The following DCAF1 variants were observed in gnomAD, a reference collection of about 807,000 sequenced individuals.
DCAF1 encodes the protein DDB1- and CUL4-associated factor 1.
Under a neutral mutation model 128.0 loss-of-function variants are expected in DCAF1, and 15 were observed. The ratio of observed to expected loss-of-function variants is 0.12; its 90% confidence interval spans 0.08 to 0.18. The LOEUF (loss-of-function observed/expected upper bound fraction) is 0.18. DCAF1 is among the 10% of genes least tolerant of loss of function. The pLI, the probability that DCAF1 is intolerant of heterozygous loss-of-function variation, is 1.00. For missense variants in DCAF1, 988 were observed against 1,649.5 expected (o/e 0.60, Z 6.95); for synonymous variants, 610 against 603.0 (o/e 1.01, Z -0.17).
chr3:51,461,109 T>G (rs1311504848), intron 6 of DCAF1, among the ~76,000 whole-genome samples: 1 of 151,300 alleles, frequency 6.6e-6, no homozygotes, highest in Non-Finnish European at 1.5e-5. Context: ...GAAACTACCA[T>G]CAGAGTGAAC....
intron 9 of DCAF1, among the ~76,000 whole-genome samples, chr3:51,434,944 G>T (rs1700684062): frequency 6.6e-6 from 1 of 152,060 alleles, no homozygotes; most frequent in South Asian, 2.1e-4. Context: ...CCATGCCAAG[G>T]TGTCTTCCAG....
At chr3:51,484,138 T>C (rs781815585) in intron 2 of DCAF1, among the ~76,000 whole-genome samples, 7 of 152,054 alleles carry the variant, frequency 4.6e-5, no homozygotes, top group Non-Finnish European at 7.4e-5. Flanking sequence ...AGGAGTCCCT[T>C]TGAAAATGAG....
chr3:51,432,967 T>C, intron 10 of DCAF1, 139 bp downstream of exon 10: 1 of 394,848 alleles, frequency 2.5e-6, no homozygotes. Context: ...GACTAGACTT[T>C]CATGTTCCTT....
rs1704664560 is a variant in DCAF1 at position 51,470,968 on chromosome 3, G to A, written c.148C>T (p.Arg50Cys). 1.9e-6 allele frequency: 3 copies of A among 1,606,588 alleles called. No individual in the cohort carries two copies. Among genetic ancestry groups the A allele is most frequent in the African/African-American group, 1.3e-5 (1 of 74,676 alleles). Residue 50 changes from arginine (R) to cysteine (C), a missense_variant, in exon 4 of 25, where the codon CGT (arginine) becomes TGT (cysteine). Transcript: ENST00000684031. Reference protein sequence around the residue: ...QLIEKETEEYRKGDPDPFDDR... With the variant: ...QLIEKETEEYCKGDPDPFDDR... ...TCAAATGGGTCTGGATCCCCTTTAC[G>A]ATACTCTTCAGTTTCTTTTTCAATC...
chr3:51,504,036 A>ATT (rs559346586), upstream of DCAF1, among the ~76,000 whole-genome samples: 40 of 130,240 alleles, frequency 3.1e-4, no homozygotes, highest in Middle Eastern at 4.0e-3. Context: ...GCCCCTGAAC[A>ATT]TTTTTTTTTT....
chr3:51,500,329 G>C (rs919473498), upstream of DCAF1, among the ~76,000 whole-genome samples: 1 of 151,996 alleles, frequency 6.6e-6, no homozygotes, highest in African/African-American at 2.4e-5. Flanking sequence ...GAAGTGAAAA[G>C]TGAGGGAGCC....
At chr3:51,464,264 A>ATAAT (rs10647838) in intron 5 of DCAF1, among the ~76,000 whole-genome samples, 133,642 of 150,432 alleles carry the variant, frequency 0.89, 59,526 homozygotes, top group East Asian at 0.94. Context: ...AATTATATAT[A>ATAAT]TAATACAATA....
chr3:51,500,116 G>GAAAA (rs55767863), upstream of DCAF1: 6 of 27,836 alleles, frequency 2.2e-4, 1 homozygote, highest in Admixed American at 9.9e-4. Flanking sequence ...CACGATCGGG[G>GAAAA]AAAAAAAAAA....
chr3:51,414,482 A>T (rs1350229238), intron 19 of DCAF1, 142 bp downstream of exon 19: 1 of 1,253,812 alleles, frequency 8.0e-7, no homozygotes, highest in East Asian at 2.6e-5. Flanking sequence ...AGATTTCACT[A>T]ACATTTCAAA....
chr3:51,489,834 TATAGATAGATAG>T (rs71637574), intron 2 of DCAF1, among the ~76,000 whole-genome samples: 2 of 108,398 alleles, frequency 1.8e-5, no homozygotes, highest in Non-Finnish European at 2.5e-5. Flanking sequence ...TGTGTGTGTA[TATAGATAGATAG>T]ATAGATAGAT....
rs782628613 is a variant in DCAF1, at chr3:51,427,354, ATC to A, written c.1847+16_1847+17del. 1 of 674,458 alleles carries A rather than the reference ATC, an allele frequency of 1.5e-6. No homozygotes were observed. Among genetic ancestry groups the A allele is most frequent in the Non-Finnish European group, 2.7e-6 (1 of 364,524 alleles). 41.8% of individuals were successfully genotyped at this position (674,458 alleles called of 1,614,324 possible). A position where few individuals can be genotyped will look rare whatever the true frequency, so the allele number is the denominator to read the frequency against. Reference sequence around the variant, plus strand: ...AAAGATGCATCAAACTTCATTTGAAATCTCTCTCTGGTCCCACCTTGCATAAT... The same window carrying A: ...AAAGATGCATCAAACTTCATTTGAAATCTCTCTGGTCCCACCTTGCATAAT... On this transcript the variant is annotated intron_variant, in intron 13 of 24. Transcript: ENST00000684031.
At position 51,451,069 on chromosome 3, in the gene DCAF1, CTTTTTTTTTTT is replaced by C. The variant is rs1167474829; in HGVS notation, c.376-7177_376-7167del. On this transcript the variant is annotated intron_variant, in intron 6 of 24. Transcript: ENST00000684031. ...CAATGAACAATATAAAAAGGAAATT[CTTTTTTTTTTT>C]TTTTTTTTTTTTTTTTTTTTTTTTT... is the stretch of plus-strand genomic sequence containing the variant. Among the ~76,000 whole-genome samples, 36 of 27,108 alleles carry C rather than the reference CTTTTTTTTTTT, an allele frequency of 1.3e-3. No homozygotes were observed. The South Asian group carries it at 0.024, about 18-fold the overall frequency. 17.8% of individuals were successfully genotyped at this position (27,108 alleles called of 152,430 possible). A position where few individuals can be genotyped will look rare whatever the true frequency, so the allele number is the denominator to read the frequency against.
chr3:51,419,990 G>T lies in DCAF1; in HGVS notation c.2980C>A (p.Leu994Met), dbSNP rs889519891. The T allele has an allele frequency of 1.9e-6, 3 of 1,614,044 alleles. No homozygotes were observed. Among genetic ancestry groups the T allele is most frequent in the Non-Finnish European group, 2.5e-6 (3 of 1,179,902 alleles). ...YSQSPAIKKQ[L>M]DRHLPSPPTL... is the part of the protein sequence containing the mutation. ...GGTGGGGAAGGAAGATGTCTGTCCAGCTGTTTTTTTATGGCTGGGCTTTGG... is the reference window on the plus strand; with the variant it reads ...GGTGGGGAAGGAAGATGTCTGTCCATCTGTTTTTTTATGGCTGGGCTTTGG... The change falls in exon 15 of 25, where the codon CTG (leucine) becomes ATG (methionine). Residue 994 changes from leucine (L) to methionine (M), a missense_variant. By Grantham distance (15) the Leu-to-Met change is conservative. Coordinates refer to ENST00000684031, the MANE Select transcript of DCAF1 (RefSeq NM_001387579.1).
At chr3:51,429,889 G>T in intron 11 of DCAF1, 144 bp downstream of exon 11, 1 of 582,558 alleles carries the variant, frequency 1.7e-6, no homozygotes, top group South Asian at 2.4e-5. Context: ...GTGAAGAAAG[G>T]GAAAAAAAAA....
chr3:51,493,520 A>G (rs571984610), intron 2 of DCAF1, among the ~76,000 whole-genome samples: 5 of 152,312 alleles, frequency 3.3e-5, no homozygotes, highest in African/African-American at 1.2e-4. Flanking sequence ...CAATAGCCAA[A>G]AAGTAGAAAC....
At chr3:51,405,484 A>G (rs1475455385) in intron 23 of DCAF1, among the ~76,000 whole-genome samples, 1 of 152,248 alleles carries the variant, frequency 6.6e-6, no homozygotes, top group African/African-American at 2.4e-5. Flanking sequence ...AGAAGGCCAC[A>G]AACACATATG....
chr3:51,473,790 C>T (rs549966936), intron 3 of DCAF1, among the ~76,000 whole-genome samples: 2 of 151,328 alleles, frequency 1.3e-5, no homozygotes, highest in South Asian at 2.1e-4. Context: ...CATTGAGCCA[C>T]CACACCCAGC....
intron 4 of DCAF1, among the ~76,000 whole-genome samples, chr3:51,468,075 A>G (rs886989567): frequency 6.6e-6 from 1 of 152,230 alleles, no homozygotes; most frequent in Admixed American, 6.5e-5. Flanking sequence ...ATCTTAACTT[A>G]GCTCTTGTGG....
At chr3:51,423,525 A>AAAAAGACTC (rs1553633197) in intron 13 of DCAF1, among the ~76,000 whole-genome samples, 1 of 151,728 alleles carries the variant, frequency 6.6e-6, no homozygotes, top group East Asian at 1.9e-4. Context: ...AAAGAAAAGA[A>AAAAAGACTC]AAAAGACTCA....
Sources: gnomAD v4.1 joint callset for allele counts (sites outside exome capture counted in the v4.1 genomes callset) on GRCh38, gnomAD v4.1.1 for gene constraint, MANE v1.5 for transcripts, NCBI Gene and HGNC (gene_info 2026-07-23, HGNC 2026-07-21) for gene names.